Variants in GPC6 observed in about 807,000 individuals in gnomAD.
GPC6 encodes the protein glypican-6.
A neutral mutation model predicts 55.2 loss-of-function variants in GPC6; 14 were observed. The ratio of observed to expected loss-of-function variants is 0.25; its 90% CI spans 0.17 to 0.40. The LOEUF is 0.40. Ranked by LOEUF, GPC6 falls within the 10% of genes least tolerant of loss-of-function variation. GPC6 has a pLI of 1.00. For missense variants in GPC6, 641 were observed against 708.5 expected (o/e 0.90, Z 1.08); for synonymous variants, 278 against 259.6 (o/e 1.07, Z -0.68).
chr13:93,547,314 C>T (rs891460784), intron 2 of GPC6, among the ~76,000 whole-genome samples: 1 of 152,184 alleles, frequency 6.6e-6, no homozygotes, highest in Non-Finnish European at 1.5e-5. Context: ...CCAGTACACT[C>T]CAGCCTGGGC....
intron 3 of GPC6, among the ~76,000 whole-genome samples, chr13:93,909,083 T>C (rs1876826116): frequency 6.6e-6 from 1 of 152,224 alleles, no homozygotes; most frequent in Admixed American, 6.5e-5. Context: ...GGCAAGCACC[T>C]GAGTGTCTTC....
intron 1 of GPC6, among the ~76,000 whole-genome samples, chr13:93,482,351 C>T (rs1001012340): frequency 2.0e-5 from 3 of 152,006 alleles, no homozygotes; most frequent in Admixed American, 1.3e-4. Context: ...AAACTGGATG[C>T]TTTTTAATTT....
chr13:93,409,056 C>T (rs1876398573), intron 1 of GPC6, among the ~76,000 whole-genome samples: 2 of 152,068 alleles, frequency 1.3e-5, no homozygotes, highest in South Asian at 2.1e-4. Context: ...TTAGAGAGTT[C>T]GTCAGACTGG....
At chr13:93,700,908 CTT>C (rs1298443078) in intron 2 of GPC6, among the ~76,000 whole-genome samples, 1 of 152,054 alleles carries the variant, frequency 6.6e-6, no homozygotes, top group Admixed American at 6.6e-5. Flanking sequence ...TCCACTTAGA[CTT>C]GAGCAATTAC....
At chr13:94,267,768 G>A (rs1891863600) in intron 4 of GPC6, among the ~76,000 whole-genome samples, 1 of 152,096 alleles carries the variant, frequency 6.6e-6, no homozygotes. Context: ...GTGCTTTGGG[G>A]AAAAAAGCAC....
chr13:93,553,807 A>C (rs1038335470), intron 2 of GPC6, among the ~76,000 whole-genome samples: 1 of 151,240 alleles, frequency 6.6e-6, no homozygotes, highest in South Asian at 2.1e-4. Flanking sequence ...GGTTGTGTAT[A>C]GTTTCTGAAT....
intron 1 of GPC6, among the ~76,000 whole-genome samples, chr13:93,318,847 T>C (rs1238663546): frequency 6.6e-6 from 1 of 152,178 alleles, no homozygotes; most frequent in Non-Finnish European, 1.5e-5. Context: ...CTATATGTTA[T>C]AGTTTTGCTA....
rs990675068 is a variant in GPC6, at chr13:93,386,273, C to T, written c.160+158657C>T. On this transcript the variant is annotated intron_variant, in intron 1 of 8. Coordinates refer to ENST00000377047, the MANE Select transcript of GPC6 (RefSeq NM_005708.5). The stretch of plus-strand genomic sequence containing the variant: ...GAAGGGAGAAACATTACTGCAGAGG[C>T]AGTGCTGTTTCAATGTAGATAATTC... Among the ~76,000 whole-genome samples, 3 of 152,166 alleles carry T rather than the reference C, an allele frequency of 2.0e-5. No individual in the cohort carries two copies. In the East Asian group the frequency reaches 5.8e-4, roughly 29 times the overall value.
At chr13:94,402,828 G>A (rs1881201366) in intron 8 of GPC6, among the ~76,000 whole-genome samples, 187 bp from the exon 9 acceptor site, 1 of 152,146 alleles carries the variant, frequency 6.6e-6, no homozygotes, top group Admixed American at 6.5e-5. Context: ...CAGATCTCGT[G>A]AGAACTCACT....
intron 1 of GPC6, among the ~76,000 whole-genome samples, chr13:93,442,469 T>G (rs561598119): frequency 1.3e-5 from 2 of 152,298 alleles, no homozygotes; most frequent in South Asian, 4.1e-4. Context: ...ACAATCTCTT[T>G]ACTATATACA....
chr13:93,681,574 C>G (rs1881847589), intron 2 of GPC6, among the ~76,000 whole-genome samples: 1 of 152,060 alleles, frequency 6.6e-6, no homozygotes, highest in African/African-American at 2.4e-5. Flanking sequence ...ACTGGGTGGA[C>G]TAAATTCATA....
At chr13:93,351,440 G>T (rs1031551752) in intron 1 of GPC6, among the ~76,000 whole-genome samples, 1 of 152,040 alleles carries the variant, frequency 6.6e-6, no homozygotes, top group Non-Finnish European at 1.5e-5. Flanking sequence ...GAAGGGTAGG[G>T]GGAAGGCAGG....
At chr13:93,844,296 G>A (rs1019753538) in intron 3 of GPC6, among the ~76,000 whole-genome samples, 1 of 152,008 alleles carries the variant, frequency 6.6e-6, no homozygotes, top group East Asian at 1.9e-4. Flanking sequence ...GCACCACCAT[G>A]CCCAGCTAAT....
chr13:94,354,605 C>A (rs1054791226), intron 6 of GPC6, among the ~76,000 whole-genome samples: 4 of 152,200 alleles, frequency 2.6e-5, no homozygotes, highest in African/African-American at 7.2e-5. Context: ...GTGTTCTCAT[C>A]ATGAGCATGC....
At chr13:93,977,028 C>T (rs1010575487) in intron 3 of GPC6, among the ~76,000 whole-genome samples, 20 of 151,998 alleles carry the variant, frequency 1.3e-4, no homozygotes, top group East Asian at 5.8e-4. Context: ...TAAGTGATGA[C>T]GGCTCCTAGC....
At chr13:93,609,380 ATT>A (rs1491149353) in intron 2 of GPC6, among the ~76,000 whole-genome samples, 1 of 151,896 alleles carries the variant, frequency 6.6e-6, no homozygotes, top group Non-Finnish European at 1.5e-5. Flanking sequence ...ACACCCAGCT[ATT>A]TTTGTTTTGT....
At chr13:93,819,834 T>C (rs755625431) in intron 2 of GPC6, among the ~76,000 whole-genome samples, 41 of 152,292 alleles carry the variant, frequency 2.7e-4, no homozygotes, top group Non-Finnish European at 4.9e-4. Context: ...TTAAAAGATA[T>C]CTTTGGGAGA....
At chr13:93,655,063 G>A (rs1342507956) in intron 2 of GPC6, among the ~76,000 whole-genome samples, 2 of 35,532 alleles carry the variant, frequency 5.6e-5, no homozygotes, top group Non-Finnish European at 2.3e-4. Flanking sequence ...TGTTAGCCAG[G>A]ATGTCTCGAT....
intron 1 of GPC6, among the ~76,000 whole-genome samples, chr13:93,404,919 T>G (rs1443763211): frequency 6.6e-6 from 1 of 152,172 alleles, no homozygotes; most frequent in Non-Finnish European, 1.5e-5. Context: ...ATCACCTCAT[T>G]AATCAAATAC....
Sources: gnomAD v4.1 joint callset for allele counts (sites outside exome capture counted in the v4.1 genomes callset) on GRCh38, gnomAD v4.1.1 for gene constraint, MANE v1.5 for transcripts, NCBI Gene and HGNC (gene_info 2026-07-23, HGNC 2026-07-21) for gene names.